ZFYVE19: variants seen among roughly 807,000 people sequenced by gnomAD.
The protein encoded by ZFYVE19 is zinc finger FYVE-type containing 19.
Under a neutral mutation model 62.8 loss-of-function variants are expected in ZFYVE19, and 49 were observed. The observed-to-expected ratio is 0.78, with a 90% CI of 0.62 to 0.99. The LOEUF is 0.99. ZFYVE19 is among the 50% of genes least tolerant of loss of function. The probability of loss-of-function intolerance (pLI) is 0.00; values close to 1 mark genes in which losing one functional copy is unlikely to be tolerated. For synonymous variants in ZFYVE19, 242 were observed against 234.3 expected (o/e 1.03, Z -0.30); for missense variants, 630 against 601.9 (o/e 1.05, Z -0.49).
intron 7 of ZFYVE19, 92 bp from the exon 8 acceptor site, chr15:40,813,246 G>C (rs538229915): frequency 1.5e-6 from 2 of 1,300,746 alleles, no homozygotes; most frequent in Non-Finnish European, 2.2e-6. Flanking sequence ...CCTGGGAACC[G>C]AACCAGTTCT....
intron 7 of ZFYVE19, 164 bp from the exon 8 acceptor site, chr15:40,813,174 G>C: frequency 1.4e-6 from 1 of 695,046 alleles, no homozygotes; most frequent in East Asian, 2.7e-5. Flanking sequence ...TGCAGGGCTG[G>C]GGCAGGCAGG....
At position 40,809,203 on chromosome 15, in the gene ZFYVE19, C is replaced by T. The variant is rs1167665476; in HGVS notation, c.364C>T (p.Gln122Ter). Residue 122 changes from glutamine to a stop codon, truncating the protein, a stop_gained, in exon 2 of 11, where the codon CAG becomes TAG. Transcript: ENST00000355341. LOFTEE classifies it high-confidence loss of function. ...AGTGCCTCGGACTGGGAACACCCAA[C>T]AGAAAGTCTGCAAGCAATGCCATGA... ...AAVPRTGNTQQKVCKQCHEVL... is the reference protein window; with the variant it reads ...AAVPRTGNTQ 4 of 1,614,248 alleles carry T rather than the reference C, an allele frequency of 2.5e-6. No homozygotes were observed. The highest frequency in any genetic ancestry group is 3.4e-6 in the Non-Finnish European group (4 of 1,180,048).
At chr15:40,809,040 T>A in intron 1 of ZFYVE19, 79 bp from the exon 2 acceptor site, 6 of 1,577,314 alleles carry the variant, frequency 3.8e-6, no homozygotes, top group South Asian at 1.1e-5. Flanking sequence ...GACTTCTCTC[T>A]GTGTGTGCTT....
Position 40,810,053 on chromosome 15 carries a change from C to T in ZFYVE19, c.572-18C>T, listed in dbSNP as rs77550287. 29 of 1,614,150 alleles carry T rather than the reference C, an allele frequency of 1.8e-5. No individual in the cohort carries two copies. Among genetic ancestry groups the T allele is most frequent in the Non-Finnish European group, 2.4e-5 (28 of 1,180,028 alleles). Reference sequence around the variant, plus strand: ...GATGCCTCTGGCCCTTACAAGGCTCCCCCCATGCCAATTGCAGAGTTAGTC... The same window carrying T: ...GATGCCTCTGGCCCTTACAAGGCTCTCCCCATGCCAATTGCAGAGTTAGTC... On this transcript the variant is annotated intron_variant, in intron 4 of 10. Transcript: ENST00000355341.
intron 3 of ZFYVE19, 81 bp downstream of exon 3, chr15:40,809,539 T>C (rs1400849393): frequency 1.3e-6 from 2 of 1,517,716 alleles, no homozygotes; most frequent in African/African-American, 1.4e-5. Flanking sequence ...CCCCATCTTC[T>C]AGATAAAATG....
At chr15:40,810,808 A>G in intron 6 of ZFYVE19, 51 bp downstream of exon 6, 1 of 1,547,428 alleles carries the variant, frequency 6.5e-7, no homozygotes, top group Non-Finnish European at 8.7e-7. Flanking sequence ...CTTTCCCCAG[A>G]CTGGAGAGGC....
At position 40,807,189 on chromosome 15, in the gene ZFYVE19, G is replaced by C; in HGVS notation, c.-401G>C. 1 of 1,444,068 alleles carries C rather than the reference G, an allele frequency of 6.9e-7. No homozygotes were observed. Among genetic ancestry groups the C allele is most frequent in the Non-Finnish European group, 9.2e-7 (1 of 1,084,886 alleles). The allele number at this position is 1,444,068 out of a possible 1,614,324, so 89.5% of individuals were successfully genotyped here. A position where few individuals can be genotyped will look rare whatever the true frequency, so the allele number is the denominator to read the frequency against. ...CCCTCTGTACCCCGCTTCCTCTTGA[G>C]GCCCTCGGACCGTCCAGGAAATGTC... On this transcript the variant is annotated 5_prime_UTR_variant, in exon 1 of 11. Transcript: ENST00000355341.
At chr15:40,812,555 AAAAAAGAAAGAAAGAAAG>A in intron 6 of ZFYVE19, 126 bp from the exon 7 acceptor site, 1 of 640,806 alleles carries the variant, frequency 1.6e-6, no homozygotes, top group Non-Finnish European at 2.4e-6. Flanking sequence ...CAAAAAAAAA[AAAAAAGAAAGAAAGAAAG>A]AAAGAAAGAA....
chr15:40,807,159 A>C lies in ZFYVE19; in HGVS notation c.-431A>C. The stretch of plus-strand genomic sequence containing the variant: ...GGGGAGAGCACAGCCACCCGGCGCG[A>C]AGAGCCCTCTGTACCCCGCTTCCTC... On this transcript the variant is annotated 5_prime_UTR_variant, in exon 1 of 11. Coordinates refer to ENST00000355341, the MANE Select transcript of ZFYVE19 (RefSeq NM_001077268.2). The C allele has an allele frequency of 7.9e-7, 1 of 1,266,306 alleles. No homozygotes were observed. The highest frequency in any genetic ancestry group is 1.5e-5 in the South Asian group (1 of 65,282). The allele number at this position is 1,266,306 out of a possible 1,614,324, so 78.4% of individuals were successfully genotyped here.
In ZFYVE19 at chr15:40,807,802, G is replaced by A. The variant is rs375097624; in HGVS notation, c.213G>A (p.Val71=). 6 of 1,558,022 alleles carry A rather than the reference G, an allele frequency of 3.9e-6. No individual in the cohort carries two copies. In the African/African-American group the frequency reaches 8.1e-5, roughly 21 times the overall value. The stretch of plus-strand genomic sequence containing the variant: ...ATCTCAGCTCTGCAGACCCTGCGGT[G>A]CTGGGAGCCACCATGGAGAGTAGGT... The part of the protein sequence containing the change: ...RRDLSSADPA[V]LGATMESRCY... The change falls in exon 1 of 11, where the codon GTG becomes GTA. Residue 71 remains valine, a synonymous_variant. Coordinates refer to ENST00000355341, the MANE Select transcript of ZFYVE19 (RefSeq NM_001077268.2).
chr15:40,807,641 T>C lies in ZFYVE19; in HGVS notation c.52T>C (p.Cys18Arg). 1 of 1,613,036 alleles carries C rather than the reference T, an allele frequency of 6.2e-7. No homozygotes were observed. Among genetic ancestry groups the C allele is most frequent in the Non-Finnish European group, 8.5e-7 (1 of 1,179,794 alleles). Reference protein sequence around the residue: ...PPLPPLPYAGCRRASGFPALG... With the variant: ...PPLPPLPYAGRRRASGFPALG... ...GTTGCCGCCGCTGCCGTACGCTGGCTGCAGGAGAGCGTCCGGATTCCCTGC... is the reference window on the plus strand; with the variant it reads ...GTTGCCGCCGCTGCCGTACGCTGGCCGCAGGAGAGCGTCCGGATTCCCTGC... The change falls in exon 1 of 11, where the codon TGC becomes CGC. Residue 18 changes from cysteine (C) to arginine (R), a missense_variant. By Grantham distance (180) the Cys-to-Arg change is radical. Transcript: ENST00000355341.
chr15:40,810,509 G>A, intron 5 of ZFYVE19, 140 bp from the exon 6 acceptor site: 1 of 1,453,620 alleles, frequency 6.9e-7, no homozygotes, highest in Non-Finnish European at 9.1e-7. Flanking sequence ...TCCTGTTGGG[G>A]ACGGCCAGAC....
chr15:40,809,542 A>C, intron 3 of ZFYVE19, 84 bp downstream of exon 3: 1 of 1,507,690 alleles, frequency 6.6e-7, no homozygotes, highest in Non-Finnish European at 9.1e-7. Context: ...CATCTTCTAG[A>C]TAAAATGAGC....
intron 1 of ZFYVE19, 189 bp downstream of exon 1, chr15:40,808,057 G>A (rs1021837157): frequency 2.0e-6 from 2 of 1,008,816 alleles, no homozygotes; most frequent in African/African-American, 1.7e-5. Flanking sequence ...TTATGTGAGG[G>A]TCCACTGAAG....
rs1890312682 is a variant in ZFYVE19, at chr15:40,807,824, A to T, written c.235A>T (p.Arg79Trp). 1 of 1,541,230 alleles carries T rather than the reference A, an allele frequency of 6.5e-7. No homozygotes were observed. Among genetic ancestry groups the T allele is most frequent in the Non-Finnish European group, 8.7e-7 (1 of 1,150,788 alleles). ...GGTGCTGGGAGCCACCATGGAGAGT[A>T]GGTGCTACGGCTGCGCTGTCAAGTT... ...PAVLGATMESRCYGCAVKFTL... is the reference protein window; with the variant it reads ...PAVLGATMESWCYGCAVKFTL... The change falls in exon 1 of 11, where the codon AGG (arginine) becomes TGG (tryptophan). Residue 79 changes from arginine (R) to tryptophan (W), a missense_variant. Transcript: ENST00000355341.
chr15:40,811,688 C>T (rs191702922), intron 6 of ZFYVE19, among the ~76,000 whole-genome samples: 7 of 152,118 alleles, frequency 4.6e-5, no homozygotes, highest in African/African-American at 1.7e-4. Flanking sequence ...CCTGCCTGGG[C>T]AACATAGCAA....
chr15:40,813,378 C>A lies in ZFYVE19; in HGVS notation c.1071C>A (p.Asp357Glu). The change falls in exon 8 of 11, where the codon GAC (aspartate) becomes GAA (glutamate). Residue 357 changes from aspartate to glutamate, a missense_variant. By Grantham distance (45) the Asp-to-Glu change is conservative. Transcript: ENST00000355341. ...QDYRLPDSDDDEDEETAIQRV... is the reference protein window; with the variant it reads ...QDYRLPDSDDEEDEETAIQRV... Reference sequence around the variant, plus strand: ...ATCGCCTCCCAGACAGTGATGACGACGAGGATGAGGAGACAGCCATCCAAA... The same window carrying A: ...ATCGCCTCCCAGACAGTGATGACGAAGAGGATGAGGAGACAGCCATCCAAA... 6.2e-7 allele frequency: 1 copy of A among 1,612,152 alleles called. No homozygotes were observed. Among genetic ancestry groups the A allele is most frequent in the Non-Finnish European group, 8.5e-7 (1 of 1,179,154 alleles).
At position 40,810,643 on chromosome 15, in the gene ZFYVE19, G is replaced by C. The variant is rs1427311024; in HGVS notation, c.718-6G>C. The C allele has an allele frequency of 1.9e-6, 3 of 1,560,706 alleles. No individual in the cohort carries two copies. The highest frequency in any genetic ancestry group is 2.6e-6 in the Non-Finnish European group (3 of 1,152,028). ...GCTCTCCACTGAGGTTTCCTCGTCT[G>C]TGCAGGCACATCACACACCGGACAC... On this transcript the variant is annotated splice_region_variant and splice_polypyrimidine_tract_variant and intron_variant, in intron 5 of 10. Coordinates refer to ENST00000355341, the MANE Select transcript of ZFYVE19 (RefSeq NM_001077268.2).
chr15:40,814,781 C>G lies in ZFYVE19; in HGVS notation c.*555C>G, dbSNP rs868399576. ...TCAACTGTGCTCCAGCTCTGGGCAGCCCCACTTAGCCACCAGTCCCCACCA... is the reference window on the plus strand; with the variant it reads ...TCAACTGTGCTCCAGCTCTGGGCAGGCCCACTTAGCCACCAGTCCCCACCA... On this transcript the variant is annotated 3_prime_UTR_variant, in exon 11 of 11. Transcript: ENST00000355341. 3 of 160,678 alleles carry G rather than the reference C, an allele frequency of 1.9e-5. No homozygotes were observed. In the South Asian group the frequency reaches 5.2e-4, roughly 28 times the overall value. 10.0% of individuals were successfully genotyped at this position (160,678 alleles called of 1,614,324 possible). A position where few individuals can be genotyped will look rare whatever the true frequency, so the allele number is the denominator to read the frequency against.
Sources: allele counts gnomAD v4.1 joint callset (sites outside exome capture counted in the v4.1 genomes callset), GRCh38; gene constraint gnomAD v4.1.1; transcripts MANE v1.5; gene names NCBI Gene and HGNC (gene_info 2026-07-23, HGNC 2026-07-21).